RTEL1: variants seen among roughly 807,000 people sequenced by gnomAD.
The protein encoded by RTEL1 is regulator of telomere elongation helicase 1, also known as regulator of telomere length.
Under a neutral mutation model 162.2 loss-of-function variants are expected in RTEL1, and 86 were observed. That is an observed-to-expected ratio of 0.53 (90% CI 0.45 to 0.63). RTEL1 has a LOEUF of 0.63. Among genes scored for constraint, RTEL1 ranks in the 30% least tolerant of loss-of-function variants. The pLI is 0.00. For missense variants in RTEL1, 1,941 were observed against 1,750.2 expected (o/e 1.11, Z -1.95); for synonymous variants, 958 against 717.9 (o/e 1.33, Z -5.35).
rs532466529 is a variant in RTEL1 at position 63,691,670 on chromosome 20, C to T, written c.2557-72C>T. On this transcript the variant is annotated intron_variant, in intron 27 of 34. Coordinates refer to ENST00000360203, the MANE Select transcript of RTEL1 (RefSeq NM_001283009.2). ...GCTCCTTGGGACCATCTTCCCTGTG[C>T]GTCCAGGTGCTTTGGGACCCCAGAG... 140 of 1,342,008 alleles carry T rather than the reference C, an allele frequency of 1.0e-4. 1 individual carries two copies. The highest frequency in any genetic ancestry group is 2.8e-4 in the South Asian group (23 of 82,788). 83.1% of individuals were successfully genotyped at this position (1,342,008 alleles called of 1,614,324 possible). A position where few individuals can be genotyped will look rare whatever the true frequency, so the allele number is the denominator to read the frequency against.
chr20:63,687,527 C>T (rs1329879950), intron 16 of RTEL1, 111 bp from the exon 17 acceptor site: 23 of 1,259,512 alleles, frequency 1.8e-5, no homozygotes, highest in Admixed American at 5.1e-5. Context: ...CTGCCCGCGG[C>T]TCGCTTGCTT....
chr20:63,688,021 A>G lies in RTEL1; in HGVS notation c.1566A>G (p.Gly522=). The change falls in exon 18 of 35, where the codon GGA becomes GGG. Residue 522 remains glycine, a synonymous_variant. Transcript: ENST00000360203. ...GGGTCGTCCCCAGAGGCCCCGATGG[A>G]GCCCAGTTGAGCTCCGCGTTTGACA... ...WVGVVPRGPD[G]AQLSSAFDRR... is the part of the protein sequence containing the mutation. The G allele has an allele frequency of 6.2e-7, 1 of 1,612,748 alleles. No individual in the cohort carries two copies. Among genetic ancestry groups the G allele is most frequent in the Non-Finnish European group, 8.5e-7 (1 of 1,179,968 alleles).
intron 10 of RTEL1, among the ~76,000 whole-genome samples, chr20:63,676,896 T>G (rs111422645): frequency 5.5e-5 from 7 of 127,902 alleles, no homozygotes; most frequent in Admixed American, 1.6e-4. Context: ...GATCGCACCA[T>G]TGCACTCCAG....
chr20:63,659,997 C>T (rs890700482), intron 2 of RTEL1, among the ~76,000 whole-genome samples: 1 of 151,936 alleles, frequency 6.6e-6, no homozygotes, highest in Non-Finnish European at 1.5e-5. Context: ...AGGTACTATG[C>T]CTGGATGTGC....
Position 63,687,529 on chromosome 20 carries a change from C to A in RTEL1, c.1349-109C>A. On this transcript the variant is annotated intron_variant, in intron 16 of 34. Transcript: ENST00000360203. ...TGGGCCTGGGTGGCTGCCCGCGGCT[C>A]GCTTGCTTGATGCCAGTGGGTGGAG... 13 of 1,273,158 alleles carry A rather than the reference C, an allele frequency of 1.0e-5. 1 individual carries two copies. The South Asian group carries it at 1.9e-4, about 19-fold the overall frequency. The allele number at this position is 1,273,158 out of a possible 1,614,324, so 78.9% of individuals were successfully genotyped here.
At chr20:63,681,498 A>G (rs2090477052) in intron 14 of RTEL1, 1 of 984,732 alleles carries the variant, frequency 1.0e-6, no homozygotes, top group African/African-American at 1.8e-5. Context: ...AGGGTTAGGC[A>G]GGGCTGCCCA....
In RTEL1 at chr20:63,688,323, C is replaced by T. The variant is rs758544821; in HGVS notation, c.1659C>T (p.Pro553=). The change falls in exon 20 of 35, where the codon CCC becomes CCT. Residue 553 remains proline (P), a synonymous_variant. Transcript: ENST00000360203. ...KALGNIARVV[P]YGLLIFFPSY... ...CAGGCAACATCGCCCGCGTGGTGCCCTATGGGCTCCTGATCTTCTTCCCTT... is the reference window on the plus strand; with the variant it reads ...CAGGCAACATCGCCCGCGTGGTGCCTTATGGGCTCCTGATCTTCTTCCCTT... 1 of 1,612,602 alleles carries T rather than the reference C, an allele frequency of 6.2e-7. No individual in the cohort carries two copies. The highest frequency in any genetic ancestry group is 8.5e-7 in the Non-Finnish European group (1 of 1,179,970).
At position 63,678,170 on chromosome 20, in the gene RTEL1, T is replaced by C; in HGVS notation, c.945T>C (p.Ile315=). ...GGCTGAACATGGAGCTGGAAGACATTGCAAAGCTGAAGAGTAAGTGTTGCC... is the reference window on the plus strand; with the variant it reads ...GGCTGAACATGGAGCTGGAAGACATCGCAAAGCTGAAGAGTAAGTGTTGCC... ...SPGLNMELED[I]AKLKMILLRL... The change falls in exon 11 of 35, where the codon ATT becomes ATC. Residue 315 remains isoleucine (I), a synonymous_variant. Transcript: ENST00000360203. 1 of 1,614,040 alleles carries C rather than the reference T, an allele frequency of 6.2e-7. No homozygotes were observed. Among genetic ancestry groups the C allele is most frequent in the Non-Finnish European group, 8.5e-7 (1 of 1,179,916 alleles).
intron 14 of RTEL1, chr20:63,682,109 A>G (rs2146224645): frequency 1.0e-6 from 1 of 985,412 alleles, no homozygotes; most frequent in African/African-American, 1.7e-5. Context: ...TCCCTGGAAT[A>G]CAGCTTCCCA....
At chr20:63,660,086 A>G (rs1267246434) in intron 2 of RTEL1, among the ~76,000 whole-genome samples, 3 of 152,178 alleles carry the variant, frequency 2.0e-5, no homozygotes, top group Non-Finnish European at 2.9e-5. Context: ...TGCTGCCAAT[A>G]TGTCTCGCCT....
At chr20:63,690,998 C>T (rs942364448) in intron 27 of RTEL1, 51 bp downstream of exon 27, 167 of 1,496,812 alleles carry the variant, frequency 1.1e-4, no homozygotes, top group Non-Finnish European at 1.5e-4. Context: ...CTCCTGAGGC[C>T]AACCCGACCC....
chr20:63,681,200 G>T, intron 14 of RTEL1: 11 of 985,446 alleles, frequency 1.1e-5, no homozygotes, highest in Non-Finnish European at 1.3e-5. Context: ...CTTCTCATTG[G>T]CCCCGTCCTG....
chr20:63,662,455 C>T, intron 4 of RTEL1, 91 bp from the exon 5 acceptor site: 1 of 1,581,376 alleles, frequency 6.3e-7, no homozygotes, highest in Non-Finnish European at 8.6e-7. Context: ...CGCCGAGGCT[C>T]CTGCGTGTCT....
At chr20:63,665,939 C>A in intron 6 of RTEL1, 65 bp from the exon 7 acceptor site, 1 of 1,486,106 alleles carries the variant, frequency 6.7e-7, no homozygotes. Flanking sequence ...TCCTGGGCAT[C>A]CCCCTGTGGT....
At chr20:63,673,824 C>A (rs1157252417) in intron 9 of RTEL1, 116 bp from the exon 10 acceptor site, 2 of 1,202,236 alleles carry the variant, frequency 1.7e-6, no homozygotes, top group Middle Eastern at 2.1e-4. Flanking sequence ...CAGGCCAAGG[C>A]TTTGGGAACT....
At position 63,695,147 on chromosome 20, in the gene RTEL1, G is replaced by C; in HGVS notation, c.3425G>C (p.Gly1142Ala). The C allele has an allele frequency of 6.2e-7, 1 of 1,612,428 alleles. No homozygotes were observed. The highest frequency in any genetic ancestry group is 1.1e-5 in the South Asian group (1 of 91,084). Residue 1142 changes from glycine (G) to alanine (A), a missense_variant, in exon 33 of 35, where the codon GGC becomes GCC. Gly to Ala is a moderately conservative substitution (Grantham distance 60). Transcript: ENST00000360203. ...CTDLTGRPYPGMEPPGPQEER... is the reference protein window; with the variant it reads ...CTDLTGRPYPAMEPPGPQEER... ...GACCTGACCGGCCGGCCCTACCCGG[G>C]CATGGAGCCACCGGGACCCCAGGAG...
At chr20:63,662,220 G>GT (rs1197089414) in intron 4 of RTEL1, among the ~76,000 whole-genome samples, 2 of 152,186 alleles carry the variant, frequency 1.3e-5, no homozygotes, top group African/African-American at 4.8e-5. Flanking sequence ...TGTGCAGTAG[G>GT]TCAGGGCTGG....
chr20:63,662,604 A>C lies in RTEL1; in HGVS notation c.454A>C (p.Lys152Gln). Residue 152 changes from lysine (K) to glutamine (Q), a missense_variant, in exon 5 of 35, where the codon AAA (lysine) becomes CAA (glutamine). By Grantham distance (53) the Lys-to-Gln change is moderately conservative (BLOSUM62 1). Coordinates refer to ENST00000360203, the MANE Select transcript of RTEL1 (RefSeq NM_001283009.2). The part of the protein sequence containing the change: ...EQLCIHPEVK[K>Q]QESNHLQIHL... ...GCTGTGCATCCATCCTGAGGTGAAG[A>C]AACAAGAGAGTAACCATCTACAGGT... 1 of 1,614,012 alleles carries C rather than the reference A, an allele frequency of 6.2e-7. No individual in the cohort carries two copies. The highest frequency in any genetic ancestry group is 8.5e-7 in the Non-Finnish European group (1 of 1,180,030).
intron 10 of RTEL1, 56 bp from the exon 11 acceptor site, chr20:63,678,089 G>T: frequency 6.2e-7 from 1 of 1,603,436 alleles, no homozygotes; most frequent in Admixed American, 1.7e-5. Flanking sequence ...TCTCAAGGGC[G>T]GGGTTGTTGG....
Sources: gnomAD v4.1 joint callset for allele counts (sites outside exome capture counted in the v4.1 genomes callset) on GRCh38, gnomAD v4.1.1 for gene constraint, MANE v1.5 for transcripts, NCBI Gene and HGNC (gene_info 2026-07-23, HGNC 2026-07-21) for gene names.